Variants in KIAA1549 observed in about 807,000 individuals in gnomAD.
KIAA1549 encodes UPF0606 protein KIAA1549.
In KIAA1549, 70 loss-of-function variants were observed where a neutral mutation model predicts 156.4. That is an observed-to-expected ratio of 0.45 (90% CI 0.37 to 0.55). The LOEUF (loss-of-function observed/expected upper bound fraction) is 0.55, where lower values mean the gene tolerates loss of function less well. Ranked by LOEUF, KIAA1549 falls within the 20% of genes least tolerant of loss-of-function variation. The pLI is 0.00. For missense variants in KIAA1549, 2,428 were observed against 2,540.9 expected (o/e 0.96, Z 0.96); for synonymous variants, 1,103 against 1,066.4 (o/e 1.03, Z -0.67).
intron 1 of KIAA1549, among the ~76,000 whole-genome samples, chr7:138,955,432 A>G (rs781050192): frequency 6.6e-6 from 1 of 152,196 alleles, no homozygotes; most frequent in Non-Finnish European, 1.5e-5. Context: ...TCAAATTCAT[A>G]GAGACAGAAA....
chr7:138,941,147 T>C (rs576703135), intron 1 of KIAA1549, among the ~76,000 whole-genome samples: 3 of 152,206 alleles, frequency 2.0e-5, no homozygotes, highest in Non-Finnish European at 4.4e-5. Context: ...TAATTTGGGG[T>C]CTGGAACAAT....
At chr7:138,844,624 CT>C in intron 17 of KIAA1549, 150 bp from the exon 18 acceptor site, 1 of 736,724 alleles carries the variant, frequency 1.4e-6, no homozygotes, top group Non-Finnish European at 2.0e-6. Context: ...GATGTTTCTC[CT>C]GCTCCCTGAG....
intron 13 of KIAA1549, among the ~76,000 whole-genome samples, chr7:138,870,121 G>A (rs1810884637): frequency 6.6e-6 from 1 of 152,110 alleles, no homozygotes; most frequent in African/African-American, 2.4e-5. Flanking sequence ...AAAGTGCTGG[G>A]ATTACAGGTG....
chr7:138,866,453 T>C (rs891278737), intron 15 of KIAA1549, among the ~76,000 whole-genome samples: 1 of 152,216 alleles, frequency 6.6e-6, no homozygotes, highest in Non-Finnish European at 1.5e-5. Flanking sequence ...ATCACATCCA[T>C]CGCAAATCCC....
At position 138,863,460 on chromosome 7, in the gene KIAA1549, C is replaced by T. The variant is rs544337440; in HGVS notation, c.4930-2004G>A. Among the ~76,000 whole-genome samples the T allele has an allele frequency of 4.4e-4, 67 of 152,094 alleles. 1 individual carries two copies. The highest frequency in any genetic ancestry group is 2.9e-5 in the Non-Finnish European group (2 of 67,992). ...GGTGATCAGTTATTATTCCTGCCAG[C>T]GTGAAGGGCAGTAGGTTCTTAACTC... is the stretch of plus-strand genomic sequence containing the variant. On this transcript the variant is annotated intron_variant, in intron 15 of 19. Coordinates refer to ENST00000422774, the MANE Select transcript of KIAA1549 (RefSeq NM_001164665.2).
At chr7:138,937,699 T>G (rs541787682) in intron 1 of KIAA1549, among the ~76,000 whole-genome samples, 2 of 152,048 alleles carry the variant, frequency 1.3e-5, no homozygotes, top group Non-Finnish European at 2.9e-5. Context: ...GATGTGGAAA[T>G]GGCTCATACG....
rs375681193 is a variant in KIAA1549, at chr7:138,873,285, G to A, written c.4346-1923C>T. Among the ~76,000 whole-genome samples, 3 of 152,280 alleles carry A rather than the reference G, an allele frequency of 2.0e-5. No homozygotes were observed. In the East Asian group the frequency reaches 5.8e-4, roughly 29 times the overall value. ...CTGAGCCAGAGGACACCATTGTCTGGACTCCAGCTATGCTCAAGCTTTCTT... is the reference window on the plus strand; with the variant it reads ...CTGAGCCAGAGGACACCATTGTCTGAACTCCAGCTATGCTCAAGCTTTCTT... On this transcript the variant is annotated intron_variant, in intron 12 of 19. Transcript: ENST00000422774.
Position 138,869,580 on chromosome 7 carries a change from G to C in KIAA1549, c.4733C>G (p.Pro1578Arg). ...GAACACGGAGGGCACGCTGGCCGTG[G>C]GGTCCAGGATCTTGTCGATCTGCAT... Reference protein sequence around the residue: ...AQMQIDKILDPTASVPSVFIE... With the variant: ...AQMQIDKILDRTASVPSVFIE... The change falls in exon 14 of 20, where the codon CCC (proline) becomes CGC (arginine). Residue 1578 changes from proline (P) to arginine (R), a missense_variant. Transcript: ENST00000422774. 1 of 1,595,088 alleles carries C rather than the reference G, an allele frequency of 6.3e-7. No homozygotes were observed. Among genetic ancestry groups the C allele is most frequent in the Non-Finnish European group, 8.5e-7 (1 of 1,172,304 alleles).
Position 138,969,725 on chromosome 7 carries a change from T to G in KIAA1549, c.187+11358A>C, listed in dbSNP as rs998667027. 2.0e-5 allele frequency among the ~76,000 whole-genome samples: 3 copies of G among 152,084 alleles called. No individual in the cohort carries two copies. The South Asian group carries it at 6.2e-4, about 32-fold the overall frequency. ...CTCCTGCCTCAGCCTCCCAAGTAGC[T>G]GGGATTACAGGCCTGCACCACCATG... On this transcript the variant is annotated intron_variant, in intron 1 of 19. Transcript: ENST00000422774.
At chr7:138,909,227 A>T in intron 4 of KIAA1549, 106 bp from the exon 5 acceptor site, 2 of 1,137,040 alleles carry the variant, frequency 1.8e-6, no homozygotes, top group Non-Finnish European at 2.6e-6. Flanking sequence ...CAATTCATCC[A>T]TAGTATGGGA....
intron 1 of KIAA1549, among the ~76,000 whole-genome samples, chr7:138,941,603 T>A (rs113492868): frequency 0.023 from 3,544 of 152,314 alleles, 67 homozygotes; most frequent in Admixed American, 0.039. Flanking sequence ...AAAATACCTG[T>A]GCGACAGAAG....
intron 17 of KIAA1549, among the ~76,000 whole-genome samples, chr7:138,849,338 G>C (rs1226078480): frequency 6.6e-6 from 1 of 151,718 alleles, no homozygotes; most frequent in Non-Finnish European, 1.5e-5. Flanking sequence ...TCAATGCTTA[G>C]ATCACTGATT....
chr7:138,944,074 AG>A (rs2016422573), intron 1 of KIAA1549, among the ~76,000 whole-genome samples: 1 of 134,736 alleles, frequency 7.4e-6, no homozygotes, highest in East Asian at 2.1e-4. Flanking sequence ...GGCCTCTCTT[AG>A]CATTTTTTTT....
At chr7:138,902,678 G>T (rs746390927) in intron 8 of KIAA1549, among the ~76,000 whole-genome samples, 3 of 152,046 alleles carry the variant, frequency 2.0e-5, no homozygotes, top group Non-Finnish European at 4.4e-5. Context: ...CTCCGGTGGC[G>T]GGTACCTGTA....
At chr7:138,901,947 G>A (rs376219304) in intron 8 of KIAA1549, among the ~76,000 whole-genome samples, 6 of 122,500 alleles carry the variant, frequency 4.9e-5, no homozygotes, top group African/African-American at 1.9e-4. Flanking sequence ...GAGCTTGCAT[G>A]TCAAATTTAG....
chr7:138,871,070 G>T, intron 13 of KIAA1549, 87 bp downstream of exon 13: 1 of 1,280,408 alleles, frequency 7.8e-7, no homozygotes, highest in Non-Finnish European at 1.1e-6. Flanking sequence ...GCCTGCCTTG[G>T]CCCCCCCAAG....
chr7:138,887,032 GCT>G (rs1811411842), intron 10 of KIAA1549, among the ~76,000 whole-genome samples: 1 of 151,972 alleles, frequency 6.6e-6, no homozygotes. Context: ...CTCCCAACTA[GCT>G]GGGACTACAG....
chr7:138,841,379 C>A (rs929171955), intron 18 of KIAA1549, among the ~76,000 whole-genome samples: 3 of 152,136 alleles, frequency 2.0e-5, no homozygotes, highest in Non-Finnish European at 2.9e-5. Context: ...CTCACTGGTG[C>A]GGTGAGCTGA....
intron 12 of KIAA1549, among the ~76,000 whole-genome samples, chr7:138,877,187 A>G (rs1437080232): frequency 2.0e-5 from 3 of 152,232 alleles, no homozygotes; most frequent in Admixed American, 1.3e-4. Context: ...AACAAAAGAA[A>G]TATTTTTATG....
Sources: gnomAD v4.1 joint callset for allele counts (sites outside exome capture counted in the v4.1 genomes callset) on GRCh38, gnomAD v4.1.1 for gene constraint, MANE v1.5 for transcripts, NCBI Gene and HGNC (gene_info 2026-07-23, HGNC 2026-07-21) for gene names.